UNC5B: variants seen among roughly 807,000 people sequenced by gnomAD.
The protein encoded by UNC5B is unc-5 netrin receptor B.
Under a neutral mutation model 103.7 loss-of-function variants are expected in UNC5B, and 56 were observed. The ratio of observed to expected loss-of-function variants is 0.54; its 90% confidence interval spans 0.44 to 0.67. The LOEUF (loss-of-function observed/expected upper bound fraction) is 0.67. Ranked by LOEUF, UNC5B falls within the 30% of genes least tolerant of loss-of-function variation. The probability of loss-of-function intolerance (pLI) is 0.00; values close to 1 mark genes in which losing one functional copy is unlikely to be tolerated. For synonymous variants in UNC5B, 577 were observed against 542.0 expected (o/e 1.06, Z -0.90); for missense variants, 1,194 against 1,284.5 (o/e 0.93, Z 1.08).
chr10:71,244,365 G>A (rs916295645), intron 1 of UNC5B, among the ~76,000 whole-genome samples: 1 of 152,242 alleles, frequency 6.6e-6, no homozygotes, highest in Non-Finnish European at 1.5e-5. Context: ...AAACTTGGGT[G>A]TTAAGGTTTG....
intron 1 of UNC5B, among the ~76,000 whole-genome samples, chr10:71,260,899 G>A (rs1844403201): frequency 1.3e-5 from 2 of 152,248 alleles, no homozygotes; most frequent in South Asian, 4.1e-4. Flanking sequence ...GAGCCCTGCG[G>A]AGAGGTTGCT....
rs574931353 is a variant in UNC5B at position 71,280,875 on chromosome 10, G to T, written c.304+830G>T. On this transcript the variant is annotated intron_variant, in intron 2 of 16. Transcript: ENST00000335350. Reference sequence around the variant, plus strand: ...CCCCTTCAGTCACCTGACAGAGCCAGCCTACCCCAGACTCAGGGGGCTCCC... The same window carrying T: ...CCCCTTCAGTCACCTGACAGAGCCATCCTACCCCAGACTCAGGGGGCTCCC... 2.0e-5 allele frequency among the ~76,000 whole-genome samples: 3 copies of T among 152,336 alleles called. No individual in the cohort carries two copies. The East Asian group carries it at 5.8e-4, about 29-fold the overall frequency.
chr10:71,269,393 T>A (rs1844595569), intron 1 of UNC5B, among the ~76,000 whole-genome samples: 1 of 136,574 alleles, frequency 7.3e-6, no homozygotes, highest in African/African-American at 2.6e-5. Flanking sequence ...ACAGTTTCTC[T>A]TTCTGGCTCT....
intron 1 of UNC5B, among the ~76,000 whole-genome samples, chr10:71,237,794 A>G (rs1432525780): frequency 6.6e-6 from 1 of 152,170 alleles, no homozygotes; most frequent in African/African-American, 2.4e-5. Flanking sequence ...TTCTGTCTCA[A>G]GAAATATTTG....
intron 1 of UNC5B, among the ~76,000 whole-genome samples, chr10:71,216,307 C>T (rs1843328471): frequency 6.6e-6 from 1 of 152,192 alleles, no homozygotes; most frequent in South Asian, 2.1e-4. Context: ...GATAAGATCG[C>T]TTTGATGGCT....
At position 71,302,745 on chromosome 10, in the gene UNC5B, A is replaced by T. The variant is rs1845608218; in HGVS notation, c.*3468A>T. On this transcript the variant is annotated 3_prime_UTR_variant, in exon 17 of 17. Coordinates refer to ENST00000335350, the MANE Select transcript of UNC5B (RefSeq NM_170744.5). ...GAGAGGGGGGTGCAGGGCCCCAGGG[A>T]TGGCCCCCAATCCCACCTCTGTTTA... 6.6e-6 allele frequency: 1 copy of T among 152,148 alleles called. No individual in the cohort carries two copies. The highest frequency in any genetic ancestry group is 2.4e-5 in the African/African-American group (1 of 41,424). 9.4% of individuals were successfully genotyped at this position (152,148 alleles called of 1,614,324 possible).
At chr10:71,251,778 CCA>C (rs1274446705) in intron 1 of UNC5B, among the ~76,000 whole-genome samples, 1 of 152,162 alleles carries the variant, frequency 6.6e-6, no homozygotes, top group Non-Finnish European at 1.5e-5. Flanking sequence ...AGTCTCAGTG[CCA>C]CAGGCTGAAG....
Position 71,212,774 on chromosome 10 carries a change from A to G in UNC5B, c.-212A>G. 1 of 359,560 alleles carries G rather than the reference A, an allele frequency of 2.8e-6. No individual in the cohort carries two copies. Among genetic ancestry groups the G allele is most frequent in the Non-Finnish European group, 4.9e-6 (1 of 202,260 alleles). The allele number at this position is 359,560 out of a possible 1,614,324, so 22.3% of individuals were successfully genotyped here. ...GAGGGGCGCGCCGGAGCCTCGTTCGAGAGCCGGCGCCAGGCACCCACCGCG... is the reference window on the plus strand; with the variant it reads ...GAGGGGCGCGCCGGAGCCTCGTTCGGGAGCCGGCGCCAGGCACCCACCGCG... On this transcript the variant is annotated 5_prime_UTR_variant, in exon 1 of 17. Coordinates refer to ENST00000335350, the MANE Select transcript of UNC5B (RefSeq NM_170744.5).
At chr10:71,292,124 C>T (rs1255905248) in intron 10 of UNC5B, among the ~76,000 whole-genome samples, 1 of 152,202 alleles carries the variant, frequency 6.6e-6, no homozygotes, top group Non-Finnish European at 1.5e-5. Context: ...AAAGCACTGT[C>T]CTGGAACTAG....
intron 1 of UNC5B, among the ~76,000 whole-genome samples, chr10:71,238,110 A>G (rs558224679): frequency 2.0e-5 from 3 of 152,316 alleles, no homozygotes; most frequent in East Asian, 3.9e-4. Context: ...CTAAATAAAT[A>G]GGAGTGTGAT....
At position 71,213,988 on chromosome 10, in the gene UNC5B, C is replaced by T. The variant is rs1165303188; in HGVS notation, c.79+924C>T. On this transcript the variant is annotated intron_variant, in intron 1 of 16. Transcript: ENST00000335350. This position sits in a 1 kb window ranked among gnomAD's most constrained non-coding sequence, Gnocchi z 4.1. ...TTCTCGCTCGTCCTGTAGCTGGACCCGGCGTCGCTGGCTGGGCTGCGTCTT... is the reference window on the plus strand; with the variant it reads ...TTCTCGCTCGTCCTGTAGCTGGACCTGGCGTCGCTGGCTGGGCTGCGTCTT... Among the ~76,000 whole-genome samples, 1 of 151,774 alleles carries T rather than the reference C, an allele frequency of 6.6e-6. No individual in the cohort carries two copies. The highest frequency in any genetic ancestry group is 1.5e-5 in the Non-Finnish European group (1 of 67,944).
At chr10:71,291,363 T>G in intron 9 of UNC5B, 69 bp from the exon 10 acceptor site, 1 of 1,522,700 alleles carries the variant, frequency 6.6e-7, no homozygotes, top group East Asian at 2.3e-5. Flanking sequence ...TTGGGTGGGA[T>G]TTTGCAGTGG....
chr10:71,215,768 G>A, intron 1 of UNC5B, among the ~76,000 whole-genome samples: 1 of 151,680 alleles, frequency 6.6e-6, no homozygotes, highest in East Asian at 1.9e-4. Flanking sequence ...TCTTTTTAAG[G>A]TGCAATTAAA....
In UNC5B at chr10:71,298,022, C is replaced by G; in HGVS notation, c.2604C>G (p.Asn868Lys). The G allele has an allele frequency of 6.2e-7, 1 of 1,613,990 alleles. No homozygotes were observed. ...TGTCCATCCGCCAGAAGATATGCAA[C>G]AGCCTAGATGCCCCCAACTCACGGG... ...IPLSIRQKIC[N>K]SLDAPNSRGN... The change falls in exon 16 of 17, where the codon AAC becomes AAG. Residue 868 changes from asparagine (N) to lysine (K), a missense_variant. Physicochemically the swap from Asn to Lys is moderately conservative, Grantham distance 94. Coordinates refer to ENST00000335350, the MANE Select transcript of UNC5B (RefSeq NM_170744.5).
intron 1 of UNC5B, among the ~76,000 whole-genome samples, chr10:71,270,104 C>T (rs2132289772): frequency 6.6e-6 from 1 of 152,168 alleles, no homozygotes; most frequent in African/African-American, 2.4e-5. Context: ...AATCCCAGCA[C>T]TTTGGGAAGC....
chr10:71,214,341 C>CTTT (rs769157975), intron 1 of UNC5B, among the ~76,000 whole-genome samples: 1 of 145,752 alleles, frequency 6.9e-6, no homozygotes. Flanking sequence ...ACATTCCCCA[C>CTTT]TTTTTTTTTT....
At chr10:71,259,545 A>G (rs1419728934) in intron 1 of UNC5B, among the ~76,000 whole-genome samples, 2 of 152,254 alleles carry the variant, frequency 1.3e-5, no homozygotes, top group Non-Finnish European at 2.9e-5. Context: ...CAAAGTGGCT[A>G]GCCCAGTCAC....
At position 71,213,613 on chromosome 10, in the gene UNC5B, G is replaced by A. The variant is rs980705710; in HGVS notation, c.79+549G>A. Among the ~76,000 whole-genome samples the A allele has an allele frequency of 6.6e-6, 1 of 151,946 alleles. No homozygotes were observed. Among genetic ancestry groups the A allele is most frequent in the Non-Finnish European group, 1.5e-5 (1 of 68,010 alleles). On this transcript the variant is annotated intron_variant, in intron 1 of 16. Transcript: ENST00000335350. The surrounding 1 kb of genome is among the most constrained non-coding windows in gnomAD (Gnocchi z 4.1). The stretch of plus-strand genomic sequence containing the variant: ...GCCGGCTTGCAGGGCTCCTGAAGCG[G>A]GGAGGGCTAAGTCTTGCACACATAG...
At chr10:71,263,135 A>G (rs145972294) in intron 1 of UNC5B, among the ~76,000 whole-genome samples, 3 of 152,264 alleles carry the variant, frequency 2.0e-5, no homozygotes, top group South Asian at 4.1e-4. Context: ...TGGGCATCCT[A>G]CGTTCTGAGG....
Sources: allele counts gnomAD v4.1 joint callset (sites outside exome capture counted in the v4.1 genomes callset), GRCh38; gene constraint gnomAD v4.1.1; non-coding constraint Gnocchi (gnomAD v3.1); transcripts MANE v1.5; gene names NCBI Gene and HGNC (gene_info 2026-07-23, HGNC 2026-07-21).